The following NRXN3 variants were observed in gnomAD, a reference collection of about 807,000 sequenced individuals.
The protein encoded by NRXN3 is neurexin 3, also known as neurexin III.
NRXN3 carries 32 observed loss-of-function variants against 137.6 expected under a neutral mutation model. The ratio of observed to expected loss-of-function variants is 0.23; its 90% confidence interval spans 0.18 to 0.31. The LOEUF (loss-of-function observed/expected upper bound fraction) is 0.31. Ranked by LOEUF, NRXN3 falls within the 10% of genes least tolerant of loss-of-function variation. NRXN3 has a pLI of 1.00. For synonymous variants in NRXN3, 798 were observed against 784.5 expected, an observed-to-expected ratio of 1.02 and a Z score of -0.29; for missense variants, 1,574 against 2,062.5, an observed-to-expected ratio of 0.76 and a Z score of 4.59.
At chr14:79,407,191 G>T (rs537935203) in intron 15 of NRXN3, among the ~76,000 whole-genome samples, 2 of 152,188 alleles carry the variant, frequency 1.3e-5, no homozygotes, top group Non-Finnish European at 2.9e-5. Context: ...AAAATTTTTT[G>T]TGTGTCTCCA....
chr14:78,251,119 G>A (rs1034432072), intron 2 of NRXN3, among the ~76,000 whole-genome samples: 1 of 152,170 alleles, frequency 6.6e-6, no homozygotes, highest in East Asian at 1.9e-4. Flanking sequence ...CCGGAGCTTC[G>A]CTGGACAGGA....
chr14:78,992,138 G>A (rs967992461), intron 15 of NRXN3, among the ~76,000 whole-genome samples: 1 of 152,224 alleles, frequency 6.6e-6, no homozygotes, highest in Non-Finnish European at 1.5e-5. Context: ...CTTCCACAAT[G>A]TTATGTAATG....
At chr14:79,031,486 C>T (rs1316613136) in intron 15 of NRXN3, among the ~76,000 whole-genome samples, 1 of 152,022 alleles carries the variant, frequency 6.6e-6, no homozygotes, top group African/African-American at 2.4e-5. Flanking sequence ...TGGCTATTTG[C>T]AAAGTACCTG....
intron 10 of NRXN3, among the ~76,000 whole-genome samples, chr14:78,947,398 C>T (rs1362173107): frequency 6.6e-6 from 1 of 152,182 alleles, no homozygotes; most frequent in Non-Finnish European, 1.5e-5. Context: ...TCTTGGGATA[C>T]TTCTAAAATC....
At chr14:78,193,607 C>T (rs2060943252) in intron 1 of NRXN3, among the ~76,000 whole-genome samples, 1 of 151,910 alleles carries the variant, frequency 6.6e-6, no homozygotes, top group Non-Finnish European at 1.5e-5. Context: ...ACTAAAAATA[C>T]AAAAATTAGC....
chr14:79,153,165 C>A (rs1322608638), intron 15 of NRXN3, among the ~76,000 whole-genome samples: 4 of 152,034 alleles, frequency 2.6e-5, no homozygotes, highest in Admixed American at 6.6e-5. Context: ...CTGATTATCT[C>A]CCCAACATGA....
Position 78,773,610 on chromosome 14 carries a change from C to A in NRXN3, c.2045-30010C>A, listed in dbSNP as rs1012538726. On this transcript the variant is annotated intron_variant, in intron 8 of 20. Transcript: ENST00000335750. ...GTTTAGAAGCTTCAGTTGAGAACTGCAAATTAAGTTGCGTTCAATAGTCTT... is the reference window on the plus strand; with the variant it reads ...GTTTAGAAGCTTCAGTTGAGAACTGAAAATTAAGTTGCGTTCAATAGTCTT... Among the ~76,000 whole-genome samples the A allele has an allele frequency of 4.7e-4, 71 of 152,124 alleles. 1 individual carries two copies. The highest frequency in any genetic ancestry group is 1.7e-3 in the African/African-American group (69 of 41,502).
rs117818822 is a variant in NRXN3 at position 78,506,382 on chromosome 14, A to T, written c.758-138738A>T. On this transcript the variant is annotated intron_variant, in intron 4 of 20. Transcript: ENST00000335750. ...TATTGCGAACAGTGCTGCAATAAAC[A>T]TGGGGGTGCAGATATCTCTTTGAGT... Among the ~76,000 whole-genome samples the T allele has an allele frequency of 2.0e-3, 306 of 152,302 alleles. 3 individuals are homozygous for T. In the East Asian group the frequency reaches 0.035, roughly 18 times the overall value.
At chr14:78,865,392 G>A (rs1171304260) in intron 10 of NRXN3, among the ~76,000 whole-genome samples, 2 of 152,164 alleles carry the variant, frequency 1.3e-5, no homozygotes, top group African/African-American at 2.4e-5. Context: ...AAGGTTCAAT[G>A]TGCTTGAAAG....
chr14:78,692,416 G>A (rs2098180365), intron 6 of NRXN3, among the ~76,000 whole-genome samples: 1 of 152,184 alleles, frequency 6.6e-6, no homozygotes, highest in Non-Finnish European at 1.5e-5. Context: ...TAAATGGTGG[G>A]ATACTGCTTC....
chr14:78,184,161 A>G (rs1164541008), intron 1 of NRXN3, among the ~76,000 whole-genome samples: 1 of 152,238 alleles, frequency 6.6e-6, no homozygotes, highest in Admixed American at 6.5e-5. Flanking sequence ...GATATCTATC[A>G]TTCCAGCTTA....
chr14:79,680,601 G>GTATTCATGACCAGTATTCATGACCA (rs2098665532), intron 17 of NRXN3, among the ~76,000 whole-genome samples: 1 of 151,908 alleles, frequency 6.6e-6, no homozygotes, highest in Admixed American at 6.6e-5. Flanking sequence ...GTATTCAAAG[G>GTATTCATGACCAGTATTCATGACCA]GTATTCATAC....
At chr14:79,233,171 C>G (rs961883182) in intron 15 of NRXN3, among the ~76,000 whole-genome samples, 1 of 152,138 alleles carries the variant, frequency 6.6e-6, no homozygotes, top group African/African-American at 2.4e-5. Context: ...AGCAAGTCTT[C>G]ACAGCACTCC....
intron 1 of NRXN3, among the ~76,000 whole-genome samples, chr14:78,217,660 T>TA (rs1432163787): frequency 6.6e-6 from 1 of 152,206 alleles, no homozygotes; most frequent in Non-Finnish European, 1.5e-5. Context: ...TGTATATAAA[T>TA]AGTATTTCTT....
chr14:79,580,916 C>CT (rs1345478145), intron 16 of NRXN3, among the ~76,000 whole-genome samples: 5 of 151,942 alleles, frequency 3.3e-5, no homozygotes, highest in African/African-American at 7.3e-5. Context: ...TTTCCGATAA[C>CT]TTTTTTTTCT....
chr14:78,635,659 G>A (rs1486411772), intron 4 of NRXN3, among the ~76,000 whole-genome samples: 2 of 152,126 alleles, frequency 1.3e-5, no homozygotes, highest in African/African-American at 4.8e-5. Context: ...TGACAGCATG[G>A]CATTTGCTAT....
intron 4 of NRXN3, among the ~76,000 whole-genome samples, chr14:78,600,551 T>G (rs140946051): frequency 6.6e-6 from 1 of 152,364 alleles, no homozygotes; most frequent in East Asian, 1.9e-4. Context: ...TCACCTTTAA[T>G]GATTTGCTTC....
At chr14:79,176,622 T>C (rs1281491212) in intron 15 of NRXN3, among the ~76,000 whole-genome samples, 1 of 152,230 alleles carries the variant, frequency 6.6e-6, no homozygotes, top group Admixed American at 6.5e-5. Flanking sequence ...CCTCTGCAAA[T>C]GTACTTATGC....
intron 4 of NRXN3, among the ~76,000 whole-genome samples, chr14:78,356,537 C>T (rs2084332968): frequency 6.6e-6 from 1 of 152,172 alleles, no homozygotes; most frequent in Non-Finnish European, 1.5e-5. Flanking sequence ...AGTCTCCCTC[C>T]AAGTGGAAAC....
Sources: gnomAD v4.1 joint callset for allele counts (sites outside exome capture counted in the v4.1 genomes callset) on GRCh38, gnomAD v4.1.1 for gene constraint, MANE v1.5 for transcripts, NCBI Gene and HGNC (gene_info 2026-07-23, HGNC 2026-07-21) for gene names.